The following PAX7 variants were observed in gnomAD, a reference collection of about 807,000 sequenced individuals.
PAX7 encodes paired box 7, also known as paired box protein Pax-7.
In PAX7, 18 loss-of-function variants were observed where a neutral mutation model predicts 50.7. The ratio of observed to expected loss-of-function variants is 0.36; its 90% CI spans 0.25 to 0.53. The LOEUF (loss-of-function observed/expected upper bound fraction) is 0.53, where lower values mean the gene tolerates loss of function less well. Among genes scored for constraint, PAX7 ranks in the 20% least tolerant of loss-of-function variants. The pLI, the probability that PAX7 is intolerant of heterozygous loss-of-function variation, is 0.93. For missense variants in PAX7, 644 were observed against 702.9 expected, an observed-to-expected ratio of 0.92 and a Z score of 0.95; for synonymous variants, 310 against 290.4, an observed-to-expected ratio of 1.07 and a Z score of -0.69.
intron 7 of PAX7, among the ~76,000 whole-genome samples, chr1:18,728,948 C>G (rs1047664159): frequency 6.6e-6 from 1 of 152,138 alleles, no homozygotes; most frequent in Non-Finnish European, 1.5e-5. Context: ...AGTGATGGAG[C>G]AGACAGACCC....
intron 8 of PAX7, among the ~76,000 whole-genome samples, chr1:18,744,429 A>AGGATGGAT (rs375857866): frequency 6.6e-5 from 4 of 60,502 alleles, no homozygotes; most frequent in African/African-American, 1.1e-4. Context: ...GATAGATGGA[A>AGGATGGAT]GGATGGATGG....
At chr1:18,631,796 G>T in intron 1 of PAX7, 108 bp downstream of exon 1, 1 of 901,672 alleles carries the variant, frequency 1.1e-6, no homozygotes, top group Non-Finnish European at 1.8e-6. Flanking sequence ...GATAGCAGAG[G>T]GATCCCGTTC....
chr1:18,648,312 T>C (rs2088377538), intron 4 of PAX7, among the ~76,000 whole-genome samples: 1 of 150,034 alleles, frequency 6.7e-6, no homozygotes, highest in Non-Finnish European at 1.5e-5. Context: ...TCACTCTTCA[T>C]CCATTCACTC....
At chr1:18,719,193 C>T (rs76483264) in intron 7 of PAX7, among the ~76,000 whole-genome samples, 2,780 of 152,286 alleles carry the variant, frequency 0.018, 87 homozygotes, top group African/African-American at 0.063. Flanking sequence ...ATTTGCAGCA[C>T]GTGGGGTCAT....
At chr1:18,690,556 T>A (rs1373261797) in intron 4 of PAX7, among the ~76,000 whole-genome samples, 2 of 152,218 alleles carry the variant, frequency 1.3e-5, no homozygotes, top group African/African-American at 4.8e-5. Flanking sequence ...GAGCAGGGGC[T>A]TCCTGCAGCC....
At chr1:18,708,454 C>T (rs2089310966) in intron 7 of PAX7, among the ~76,000 whole-genome samples, 1 of 152,008 alleles carries the variant, frequency 6.6e-6, no homozygotes. Context: ...ACTAGGGTGG[C>T]TGAGGTGGGA....
At chr1:18,731,248 T>C (rs1432435818) in intron 7 of PAX7, among the ~76,000 whole-genome samples, 4 of 152,206 alleles carry the variant, frequency 2.6e-5, no homozygotes, top group South Asian at 4.1e-4. Context: ...CAATGCTTCC[T>C]GCTTCTGCAG....
intron 7 of PAX7, among the ~76,000 whole-genome samples, chr1:18,712,347 GC>G (rs1181808434): frequency 2.6e-5 from 4 of 152,192 alleles, no homozygotes; most frequent in African/African-American, 9.7e-5. Context: ...AAAACCACCT[GC>G]TCAAGTCCAT....
intron 8 of PAX7, among the ~76,000 whole-genome samples, chr1:18,742,844 T>C: frequency 6.6e-6 from 1 of 152,228 alleles, no homozygotes; most frequent in East Asian, 1.9e-4. Context: ...AGCCCCTTCA[T>C]GCTCTGTAAC....
intron 7 of PAX7, among the ~76,000 whole-genome samples, chr1:18,720,555 G>A (rs568418975): frequency 6.6e-6 from 1 of 152,198 alleles, no homozygotes; most frequent in East Asian, 1.9e-4. Flanking sequence ...AGAGAGCTGG[G>A]GTATGAGGTG....
At chr1:18,724,945 G>T (rs1437063030) in intron 7 of PAX7, among the ~76,000 whole-genome samples, 1 of 152,204 alleles carries the variant, frequency 6.6e-6, no homozygotes, top group Non-Finnish European at 1.5e-5. Context: ...AAGTGAAAAT[G>T]CATGTCTTCG....
At chr1:18,687,880 C>A (rs2088999964) in intron 4 of PAX7, among the ~76,000 whole-genome samples, 1 of 152,088 alleles carries the variant, frequency 6.6e-6, no homozygotes, top group African/African-American at 2.4e-5. Context: ...TTCCCCAGAT[C>A]CCTGCAGAAT....
intron 4 of PAX7, among the ~76,000 whole-genome samples, chr1:18,672,113 C>T (rs2088758898): frequency 6.6e-6 from 1 of 152,136 alleles, no homozygotes; most frequent in Non-Finnish European, 1.5e-5. Context: ...GTGTTTGTTT[C>T]TGTCCCTCCT....
In PAX7 at chr1:18,730,731, G is replaced by A. The variant is rs1003720740; in HGVS notation, c.1156-4901G>A. 4.6e-5 allele frequency among the ~76,000 whole-genome samples: 7 copies of A among 152,150 alleles called. No individual in the cohort carries two copies. In the South Asian group the frequency reaches 6.2e-4, roughly 14 times the overall value. On this transcript the variant is annotated intron_variant, in intron 7 of 8. Coordinates refer to ENST00000420770, the MANE Select transcript of PAX7 (RefSeq NM_001135254.2). ...TCCCCTTCTTTTAAAGTAGGGGAGC[G>A]CGCCGGCATGTCCCAGGGGAGGGGG...
In PAX7 at chr1:18,631,538, G is replaced by T; in HGVS notation, c.-66G>T. 7.8e-7 allele frequency: 1 copy of T among 1,280,278 alleles called. No homozygotes were observed. Among genetic ancestry groups the T allele is most frequent in the Non-Finnish European group, 1.1e-6 (1 of 889,638 alleles). 79.3% of individuals were successfully genotyped at this position (1,280,278 alleles called of 1,614,324 possible). A position where few individuals can be genotyped will look rare whatever the true frequency, so the allele number is the denominator to read the frequency against. On this transcript the variant is annotated 5_prime_UTR_variant, in exon 1 of 9. The change creates a new upstream start codon in the 5' untranslated region. Transcript: ENST00000420770. The stretch of plus-strand genomic sequence containing the variant: ...AGACGGAAAGAAAGAGATCGCAGCA[G>T]GGGTGAAGGGAGCGGACGGGAAGCG...
chr1:18,700,793 C>A lies in PAX7; in HGVS notation c.927C>A (p.Thr309=), dbSNP rs1212790788. The change falls in exon 6 of 9, where the codon ACC becomes ACA. Residue 309 remains threonine (T), a synonymous_variant. Coordinates refer to ENST00000420770, the MANE Select transcript of PAX7 (RefSeq NM_001135254.2). The surrounding 1 kb of genome is among the most constrained non-coding windows in gnomAD (Gnocchi z 4.8). The stretch of plus-strand genomic sequence containing the variant: ...CCCCCTACCAGCTGCCGGACTCCAC[C>A]TACCCCACCACCACCATCTCCCAAG... ...TLPPYQLPDS[T]YPTTTISQDG... 1.3e-6 allele frequency: 2 copies of A among 1,561,460 alleles called. No homozygotes were observed. The highest frequency in any genetic ancestry group is 1.2e-5 in the South Asian group (1 of 84,456).
chr1:18,709,370 G>A (rs982258591), intron 7 of PAX7, among the ~76,000 whole-genome samples: 2 of 152,186 alleles, frequency 1.3e-5, no homozygotes, highest in South Asian at 2.1e-4. Flanking sequence ...AAGCCATAAA[G>A]GGATTTACAT....
chr1:18,673,333 C>T (rs1017498775), intron 4 of PAX7, among the ~76,000 whole-genome samples: 3 of 152,138 alleles, frequency 2.0e-5, no homozygotes, highest in Non-Finnish European at 4.4e-5. Flanking sequence ...ATGGAGAAGA[C>T]CACATGCTCT....
intron 7 of PAX7, among the ~76,000 whole-genome samples, chr1:18,706,556 G>A (rs565280856): frequency 1.3e-5 from 2 of 151,278 alleles, no homozygotes; most frequent in South Asian, 4.2e-4. Context: ...CCGCCTCCTG[G>A]GTTCAAGCAA....
Sources: allele counts gnomAD v4.1 joint callset (sites outside exome capture counted in the v4.1 genomes callset), GRCh38; gene constraint gnomAD v4.1.1; non-coding constraint Gnocchi (gnomAD v3.1); transcripts MANE v1.5; gene names NCBI Gene and HGNC (gene_info 2026-07-23, HGNC 2026-07-21).